CTNNA3: variants seen among roughly 807,000 people sequenced by gnomAD.
CTNNA3 encodes catenin alpha 3.
A neutral mutation model predicts 95.7 loss-of-function variants in CTNNA3; 76 were observed. The ratio of observed to expected loss-of-function variants is 0.79; its 90% CI spans 0.66 to 0.96. The LOEUF (loss-of-function observed/expected upper bound fraction) is 0.96, where lower values mean the gene tolerates loss of function less well. CTNNA3 is among the 40% of genes least tolerant of loss of function. CTNNA3 has a pLI of 0.00. For synonymous variants in CTNNA3, 431 were observed against 374.4 expected, an observed-to-expected ratio of 1.15 and a Z score of -1.74; for missense variants, 1,191 against 1,089.8, an observed-to-expected ratio of 1.09 and a Z score of -1.31.
At chr10:67,442,248 T>C (rs535787599) in intron 5 of CTNNA3, among the ~76,000 whole-genome samples, 1 of 151,836 alleles carries the variant, frequency 6.6e-6, no homozygotes, top group South Asian at 2.1e-4. Context: ...TAAAAAGCAG[T>C]AAATTAAATC....
At chr10:66,952,986 AC>A (rs1437437029) in intron 7 of CTNNA3, among the ~76,000 whole-genome samples, 50 of 152,196 alleles carry the variant, frequency 3.3e-4, no homozygotes, top group Non-Finnish European at 1.0e-4. Flanking sequence ...GTTTTCAAAA[AC>A]CTGGAGCTAT....
At chr10:66,908,924 A>G (rs1015569999) in intron 7 of CTNNA3, among the ~76,000 whole-genome samples, 1 of 152,206 alleles carries the variant, frequency 6.6e-6, no homozygotes, top group Non-Finnish European at 1.5e-5. Flanking sequence ...CTAGAATGGG[A>G]AGTAGCACAT....
chr10:67,057,227 T>A (rs1305881236), intron 7 of CTNNA3, among the ~76,000 whole-genome samples: 1 of 152,192 alleles, frequency 6.6e-6, no homozygotes, highest in Non-Finnish European at 1.5e-5. Context: ...AATTGTGAAA[T>A]GATTGCCACA....
chr10:66,346,684 G>A (rs999292033), intron 12 of CTNNA3, among the ~76,000 whole-genome samples: 1 of 152,086 alleles, frequency 6.6e-6, no homozygotes. Flanking sequence ...TTTGCTTGCA[G>A]CTATATGGTA....
intron 12 of CTNNA3, among the ~76,000 whole-genome samples, chr10:66,317,135 A>G (rs1426550538): frequency 6.6e-6 from 1 of 152,182 alleles, no homozygotes; most frequent in Non-Finnish European, 1.5e-5. Flanking sequence ...GATCAGTTAG[A>G]CAATAAGATA....
intron 6 of CTNNA3, among the ~76,000 whole-genome samples, chr10:67,207,703 A>G (rs1330628254): frequency 6.6e-6 from 1 of 152,196 alleles, no homozygotes; most frequent in East Asian, 1.9e-4. Flanking sequence ...GCATTCCTAG[A>G]ATCAGAACCT....
chr10:66,378,682 G>C (rs2092812980), intron 12 of CTNNA3, among the ~76,000 whole-genome samples: 1 of 152,172 alleles, frequency 6.6e-6, no homozygotes, highest in Non-Finnish European at 1.5e-5. Flanking sequence ...AGAAGATTAT[G>C]TGCAAGAACA....
At chr10:66,021,636 G>A (rs562941410) in intron 15 of CTNNA3, among the ~76,000 whole-genome samples, 36 of 152,142 alleles carry the variant, frequency 2.4e-4, no homozygotes, top group Non-Finnish European at 4.7e-4. Flanking sequence ...CTCCACAAGA[G>A]TTCTAATTTA....
intron 12 of CTNNA3, among the ~76,000 whole-genome samples, chr10:66,359,406 T>C (rs1174051721): frequency 6.6e-6 from 1 of 152,178 alleles, no homozygotes; most frequent in African/African-American, 2.4e-5. Context: ...TAATGGTGGA[T>C]AAGAAAAAGC....
intron 11 of CTNNA3, among the ~76,000 whole-genome samples, chr10:66,387,874 T>C (rs963891498): frequency 6.6e-6 from 1 of 152,076 alleles, no homozygotes; most frequent in African/African-American, 2.4e-5. Context: ...ATATTCTCAC[T>C]CATTGGTGGG....
At chr10:66,954,871 G>A (rs1371280843) in intron 7 of CTNNA3, among the ~76,000 whole-genome samples, 2 of 152,142 alleles carry the variant, frequency 1.3e-5, no homozygotes, top group Non-Finnish European at 2.9e-5. Context: ...ACCTGGAGCT[G>A]TGGATTCTGG....
intron 13 of CTNNA3, among the ~76,000 whole-genome samples, chr10:66,117,552 T>C (rs1419855548): frequency 6.6e-6 from 1 of 152,148 alleles, no homozygotes; most frequent in African/African-American, 2.4e-5. Flanking sequence ...AGACACCTTG[T>C]TCATGAGTCC....
intron 3 of CTNNA3, among the ~76,000 whole-genome samples, chr10:67,553,024 T>C (rs1322844734): frequency 6.6e-6 from 1 of 152,174 alleles, no homozygotes; most frequent in Non-Finnish European, 1.5e-5. Flanking sequence ...CAGAAACTTC[T>C]CTTGTTCTGT....
chr10:66,453,347 G>A (rs1233930285), intron 11 of CTNNA3, among the ~76,000 whole-genome samples: 1 of 152,148 alleles, frequency 6.6e-6, no homozygotes, highest in African/African-American at 2.4e-5. Context: ...TGTCTCAGTA[G>A]AGCAGCTTTT....
intron 5 of CTNNA3, among the ~76,000 whole-genome samples, chr10:67,374,171 G>A (rs1215472525): frequency 6.6e-6 from 1 of 152,118 alleles, no homozygotes; most frequent in Non-Finnish European, 1.5e-5. Flanking sequence ...TTTAAGGTTT[G>A]TTGGCCATAT....
intron 5 of CTNNA3, among the ~76,000 whole-genome samples, chr10:67,234,181 G>T (rs1865350063): frequency 6.6e-6 from 1 of 152,164 alleles, no homozygotes; most frequent in South Asian, 2.1e-4. Flanking sequence ...GCATCATCCT[G>T]ATACCAAAGC....
intron 2 of CTNNA3, among the ~76,000 whole-genome samples, chr10:67,632,234 C>A (rs529944876): frequency 6.6e-6 from 1 of 150,584 alleles, no homozygotes; most frequent in Admixed American, 6.6e-5. Flanking sequence ...ACATTGCATA[C>A]ATACATCAAA....
chr10:67,679,500 T>A (rs1349037106), intron 1 of CTNNA3, among the ~76,000 whole-genome samples: 1 of 152,216 alleles, frequency 6.6e-6, no homozygotes, highest in Non-Finnish European at 1.5e-5. Flanking sequence ...TTTTCCCATA[T>A]ATCAGAAAGG....
At chr10:65,984,065 A>G (rs2078376810) in intron 16 of CTNNA3, among the ~76,000 whole-genome samples, 1 of 151,304 alleles carries the variant, frequency 6.6e-6, no homozygotes, top group Non-Finnish European at 1.5e-5. Flanking sequence ...AAATATATAT[A>G]TAATTTCAAA....
Sources: allele counts gnomAD v4.1 joint callset (sites outside exome capture counted in the v4.1 genomes callset), GRCh38; gene constraint gnomAD v4.1.1; transcripts MANE v1.5; gene names NCBI Gene and HGNC (gene_info 2026-07-23, HGNC 2026-07-21).